The following ZPLD1 variants were observed in gnomAD, a reference collection of about 807,000 sequenced individuals.
ZPLD1 encodes the protein zona pellucida-like domain-containing protein 1.
A neutral mutation model predicts 47.2 loss-of-function variants in ZPLD1; 34 were observed. The ratio of observed to expected loss-of-function variants is 0.72; its 90% CI spans 0.55 to 0.96. ZPLD1 has a LOEUF of 0.96. Among genes scored for constraint, ZPLD1 ranks in the 40% least tolerant of loss-of-function variants. The pLI, the probability that ZPLD1 is intolerant of heterozygous loss-of-function variation, is 0.00. For missense variants in ZPLD1, 512 were observed against 505.8 expected (o/e 1.01, Z -0.12); for synonymous variants, 176 against 186.2 (o/e 0.95, Z 0.45).
upstream of ZPLD1, among the ~76,000 whole-genome samples, chr3:102,430,138 C>T (rs745335518): frequency 7.9e-5 from 12 of 152,188 alleles, no homozygotes; most frequent in Admixed American, 2.0e-4. Context: ...GCCCTCTCCT[C>T]CTAGCTCAGG....
At chr3:102,430,129 C>A (rs1420262924), upstream of ZPLD1, among the ~76,000 whole-genome samples, 1 of 152,164 alleles carries the variant, frequency 6.6e-6, no homozygotes, top group African/African-American at 2.4e-5. Context: ...CAACTTCTGG[C>A]CCTCTCCTCC....
At chr3:102,398,878 GCACACACA>G (rs10564376) in intron 7 of ZPLD1, among the ~76,000 whole-genome samples, 4 of 149,148 alleles carry the variant, frequency 2.7e-5, no homozygotes, top group Non-Finnish European at 6.0e-5. Flanking sequence ...GCGTGCGCAC[GCACACACA>G]CACACACACA....
At chr3:102,395,722 C>G (rs1000060112) in intron 7 of ZPLD1, among the ~76,000 whole-genome samples, 1 of 152,176 alleles carries the variant, frequency 6.6e-6, no homozygotes, top group Non-Finnish European at 1.5e-5. Flanking sequence ...CATCATATTA[C>G]TTTGTCTCCA....
At chr3:102,442,319 AACACACACACACACACACAC>A (rs34634788) in intron 3 of ZPLD1, among the ~76,000 whole-genome samples, 1,870 of 139,948 alleles carry the variant, frequency 0.013, 45 homozygotes, top group African/African-American at 0.046. Flanking sequence ...TACACCCATA[AACACACACACACACACACAC>A]ACACACACAC....
intron 3 of ZPLD1, among the ~76,000 whole-genome samples, chr3:102,451,286 TA>T (rs1336821964): frequency 1.3e-5 from 2 of 152,176 alleles, no homozygotes; most frequent in South Asian, 4.1e-4. Context: ...AATTCTATGC[TA>T]AAAAACTTGA....
chr3:102,432,411 A>G (rs1333113866), upstream of ZPLD1, among the ~76,000 whole-genome samples: 2 of 152,226 alleles, frequency 1.3e-5, no homozygotes, highest in African/African-American at 4.8e-5. Context: ...TTAGTGGGGA[A>G]AAGTGCATAA....
chr3:102,438,040 T>G (rs960563789), intron 2 of ZPLD1, among the ~76,000 whole-genome samples: 4 of 152,202 alleles, frequency 2.6e-5, no homozygotes, highest in Non-Finnish European at 4.4e-5. Context: ...ATTATTGAGA[T>G]TCCTCTTAGA....
At chr3:102,413,110 C>A (rs544066543) in intron 7 of ZPLD1, among the ~76,000 whole-genome samples, 5 of 151,630 alleles carry the variant, frequency 3.3e-5, no homozygotes, top group African/African-American at 1.2e-4. Flanking sequence ...GTGTGTATTA[C>A]ACTTAGTTTT....
chr3:102,436,226 A>G (rs146080013), intron 1 of ZPLD1, among the ~76,000 whole-genome samples: 19 of 152,352 alleles, frequency 1.2e-4, no homozygotes, highest in Admixed American at 2.6e-4. Flanking sequence ...AGCTGTTTCA[A>G]TTAACATGAG....
chr3:102,454,952 G>A (rs1018267311), intron 4 of ZPLD1, among the ~76,000 whole-genome samples: 7 of 152,204 alleles, frequency 4.6e-5, no homozygotes, highest in African/African-American at 1.4e-4. Flanking sequence ...CAAGTAGTGG[G>A]AGGAGGGGAA....
chr3:102,412,875 A>G (rs765867315), intron 7 of ZPLD1, among the ~76,000 whole-genome samples: 1 of 151,726 alleles, frequency 6.6e-6, no homozygotes, highest in Non-Finnish European at 1.5e-5. Flanking sequence ...GAGAGACACT[A>G]TAAGACTATG....
At chr3:102,459,736 A>G (rs979490212) in intron 6 of ZPLD1, among the ~76,000 whole-genome samples, 8 of 152,178 alleles carry the variant, frequency 5.3e-5, no homozygotes, top group African/African-American at 1.9e-4. Flanking sequence ...ATTAGAAAGT[A>G]CAGAGTTCCC....
At chr3:102,424,245 T>C (rs528653394) in intron 8 of ZPLD1, among the ~76,000 whole-genome samples, 1 of 152,232 alleles carries the variant, frequency 6.6e-6, no homozygotes, top group South Asian at 2.1e-4. Context: ...AATATACATA[T>C]TTTTTGCATT....
At chr3:102,391,710 G>C (rs1275965780) in intron 6 of ZPLD1, among the ~76,000 whole-genome samples, 1 of 152,072 alleles carries the variant, frequency 6.6e-6, no homozygotes, top group African/African-American at 2.4e-5. Context: ...GCAGCAGTCA[G>C]ATATCCCCAC....
At position 102,477,818 on chromosome 3, in the gene ZPLD1, G is replaced by A. The variant is rs975033315; in HGVS notation, c.*200G>A. 4.1e-5 allele frequency: 17 copies of A among 413,940 alleles called. No homozygotes were observed. The highest frequency in any genetic ancestry group is 5.4e-5 in the Non-Finnish European group (13 of 241,184). The allele number at this position is 413,940 out of a possible 1,614,324, so 25.6% of individuals were successfully genotyped here. A position where few individuals can be genotyped will look rare whatever the true frequency, so the allele number is the denominator to read the frequency against. On this transcript the variant is annotated 3_prime_UTR_variant, in exon 12 of 12. Coordinates refer to ENST00000466937, the MANE Select transcript of ZPLD1 (RefSeq NM_001329788.2). ...TTGTCACTTATGTACGTGGCGAGCCGTATTTTTATGCCACCAGTGAATATA... is the reference window on the plus strand; with the variant it reads ...TTGTCACTTATGTACGTGGCGAGCCATATTTTTATGCCACCAGTGAATATA...
At chr3:102,427,657 A>G (rs897824483) in intron 8 of ZPLD1, among the ~76,000 whole-genome samples, 1 of 152,198 alleles carries the variant, frequency 6.6e-6, no homozygotes, top group African/African-American at 2.4e-5. Flanking sequence ...AGTTGGCAGT[A>G]AGGCCCAGCA....
At chr3:102,427,542 G>T (rs1052534769) in intron 8 of ZPLD1, among the ~76,000 whole-genome samples, 3 of 152,164 alleles carry the variant, frequency 2.0e-5, no homozygotes, top group African/African-American at 7.2e-5. Flanking sequence ...ATATTTGAAG[G>T]CAGGTCCCAG....
chr3:102,429,946 G>A (rs1240890475), intron 8 of ZPLD1, among the ~76,000 whole-genome samples: 1 of 152,076 alleles, frequency 6.6e-6, no homozygotes, highest in Admixed American at 6.5e-5. Context: ...TACTCACTCT[G>A]CACCTAGAAT....
At chr3:102,468,197 G>A (rs927587170) in intron 8 of ZPLD1, among the ~76,000 whole-genome samples, 3 of 152,106 alleles carry the variant, frequency 2.0e-5, no homozygotes, top group African/African-American at 7.2e-5. Context: ...GGAGAAGTAA[G>A]CATTGTTTTC....
Sources: allele counts gnomAD v4.1 joint callset (sites outside exome capture counted in the v4.1 genomes callset), GRCh38; gene constraint gnomAD v4.1.1; transcripts MANE v1.5; gene names NCBI Gene and HGNC (gene_info 2026-07-23, HGNC 2026-07-21).